GRM8: variants seen among roughly 807,000 people sequenced by gnomAD.
GRM8 encodes metabotropic glutamate receptor 8.
Under a neutral mutation model 87.2 loss-of-function variants are expected in GRM8, and 47 were observed. That is an observed-to-expected ratio of 0.54 (90% confidence interval 0.43 to 0.69). The LOEUF (loss-of-function observed/expected upper bound fraction) is 0.69, where lower values mean the gene tolerates loss of function less well. GRM8 is among the 30% of genes least tolerant of loss of function. The pLI is 0.00. For missense variants in GRM8, 1,019 were observed against 1,139.2 expected (o/e 0.89, Z 1.52); for synonymous variants, 396 against 404.5 (o/e 0.98, Z 0.25).
chr7:126,846,207 C>T (rs926945307), intron 6 of GRM8, among the ~76,000 whole-genome samples: 13 of 152,014 alleles, frequency 8.6e-5, no homozygotes, highest in Admixed American at 5.9e-4. Flanking sequence ...AAGAGTTTGT[C>T]AAGGAAACTT....
At chr7:126,883,355 G>C (rs181303976) in intron 6 of GRM8, among the ~76,000 whole-genome samples, 1 of 152,006 alleles carries the variant, frequency 6.6e-6, no homozygotes, top group African/African-American at 2.4e-5. Context: ...CAAATAAAAC[G>C]ACATGCATAA....
intron 3 of GRM8, among the ~76,000 whole-genome samples, chr7:127,009,478 G>A (rs1200486537): frequency 6.6e-6 from 1 of 152,134 alleles, no homozygotes; most frequent in Non-Finnish European, 1.5e-5. Flanking sequence ...GATACAGAAA[G>A]TATAAACCTG....
chr7:127,133,251 C>G (rs1440638260), intron 2 of GRM8, among the ~76,000 whole-genome samples: 1 of 152,094 alleles, frequency 6.6e-6, no homozygotes, highest in African/African-American at 2.4e-5. Flanking sequence ...AACCCCATCT[C>G]TACTAAAAAT....
intron 8 of GRM8, among the ~76,000 whole-genome samples, chr7:126,558,944 G>A (rs1793418666): frequency 6.6e-6 from 1 of 152,122 alleles, no homozygotes; most frequent in African/African-American, 2.4e-5. Flanking sequence ...CAAGAATCAA[G>A]CTAGGTGGAG....
Position 126,951,988 on chromosome 7 carries a change from T to C in GRM8, c.728-47305A>G, listed in dbSNP as rs190844271. On this transcript the variant is annotated intron_variant, in intron 3 of 10. Transcript: ENST00000339582. The stretch of plus-strand genomic sequence containing the variant: ...GTAATAAGCACATCTAGCATGAAGA[T>C]CTCAGTTTCTAAACACCATTCTCTG... Among the ~76,000 whole-genome samples, 453 of 151,098 alleles carry C rather than the reference T, an allele frequency of 3.0e-3. 3 individuals are homozygous for C. Among genetic ancestry groups the C allele is most frequent in the African/African-American group, 0.01 (431 of 41,216 alleles).
intron 3 of GRM8, among the ~76,000 whole-genome samples, chr7:127,017,990 G>A (rs1401035152): frequency 1.3e-5 from 2 of 151,904 alleles, no homozygotes; most frequent in African/African-American, 4.8e-5. Context: ...CTTTATCCTA[G>A]GCACCGTGTT....
rs1562931043 is a variant in GRM8, at chr7:126,533,788, C to T, written c.1594G>A (p.Val532Ile). The change falls in exon 9 of 11, where the codon GTC becomes ATC. Residue 532 changes from valine (V) to isoleucine (I), a missense_variant. Val to Ile is a conservative substitution (Grantham distance 29). Coordinates refer to ENST00000339582, the MANE Select transcript of GRM8 (RefSeq NM_000845.3). ...CGTTCACAGTGCCAGCAGCAAGGGA[C>T]CCCTTTCACCGTTTTCTTCCTCTCC... ...PGERKKTVKG[V>I]PCCWHCERCE... The T allele has an allele frequency of 6.2e-7, 1 of 1,613,990 alleles. No homozygotes were observed.
intron 7 of GRM8, among the ~76,000 whole-genome samples, chr7:126,664,886 A>C (rs193166453): frequency 6.6e-6 from 1 of 152,356 alleles, no homozygotes; most frequent in African/African-American, 2.4e-5. Flanking sequence ...TCTAATATCC[A>C]GAATCTATAA....
intron 3 of GRM8, among the ~76,000 whole-genome samples, chr7:126,987,449 T>G (rs1812196614): frequency 6.6e-6 from 1 of 151,764 alleles, no homozygotes; most frequent in African/African-American, 2.4e-5. Flanking sequence ...TTCACAGTTT[T>G]TTTTTTTGTT....
chr7:126,776,429 G>C (rs1208199911), intron 6 of GRM8, among the ~76,000 whole-genome samples: 1 of 152,136 alleles, frequency 6.6e-6, no homozygotes, highest in Non-Finnish European at 1.5e-5. Flanking sequence ...ATCAGGTGAA[G>C]ATTTGGTTAA....
At chr7:126,450,342 C>T (rs1000204468) in intron 9 of GRM8, among the ~76,000 whole-genome samples, 14 of 151,826 alleles carry the variant, frequency 9.2e-5, no homozygotes, top group African/African-American at 2.7e-4. Flanking sequence ...CTTTATGCCA[C>T]GTGATAAGAA....
chr7:126,948,114 G>C (rs922512476), intron 3 of GRM8, among the ~76,000 whole-genome samples: 8 of 152,120 alleles, frequency 5.3e-5, no homozygotes, highest in African/African-American at 1.9e-4. Context: ...AGACAAACCT[G>C]TTGCCCTCAT....
chr7:126,442,503 C>G (rs1020947606), intron 10 of GRM8, among the ~76,000 whole-genome samples: 1 of 151,896 alleles, frequency 6.6e-6, no homozygotes, highest in Non-Finnish European at 1.5e-5. Flanking sequence ...TTAAAAGGGT[C>G]ATCCAACTTC....
At chr7:126,832,747 T>C (rs529264792) in intron 6 of GRM8, among the ~76,000 whole-genome samples, 1 of 152,362 alleles carries the variant, frequency 6.6e-6, no homozygotes, top group African/African-American at 2.4e-5. Flanking sequence ...ACTTTTATTT[T>C]ACATAAAACA....
At chr7:126,544,869 G>T (rs1040255055) in intron 8 of GRM8, among the ~76,000 whole-genome samples, 1 of 152,074 alleles carries the variant, frequency 6.6e-6, no homozygotes, top group Non-Finnish European at 1.5e-5. Context: ...CCTTTATTAG[G>T]ACTGAGAGGA....
intron 2 of GRM8, among the ~76,000 whole-genome samples, chr7:127,200,568 G>A (rs1050378727): frequency 1.3e-5 from 2 of 152,206 alleles, no homozygotes; most frequent in African/African-American, 4.8e-5. Context: ...GAGGCTGGAA[G>A]TCTGCCATCA....
chr7:126,757,014 C>T (rs970700723), intron 7 of GRM8, among the ~76,000 whole-genome samples: 2 of 151,712 alleles, frequency 1.3e-5, no homozygotes, highest in African/African-American at 2.4e-5. Context: ...AAATTTAAAC[C>T]TCATTAATAG....
At chr7:126,887,788 C>T (rs748898914) in intron 6 of GRM8, among the ~76,000 whole-genome samples, 3 of 152,144 alleles carry the variant, frequency 2.0e-5, no homozygotes, top group Non-Finnish European at 2.9e-5. Flanking sequence ...ATCCCACACA[C>T]TCAAGCGGGG....
rs1012646614 is a variant in GRM8, at chr7:126,438,739, T to C, written c.*380A>G. ...TACAAGAAACAGACTCATTGTCTTATACAAGTTAAACAATGTGGGACAGGA... is the reference window on the plus strand; with the variant it reads ...TACAAGAAACAGACTCATTGTCTTACACAAGTTAAACAATGTGGGACAGGA... On this transcript the variant is annotated 3_prime_UTR_variant, in exon 11 of 11. Coordinates refer to ENST00000339582, the MANE Select transcript of GRM8 (RefSeq NM_000845.3). The C allele has an allele frequency of 3.2e-5, 6 of 186,394 alleles. No individual in the cohort carries two copies. Among genetic ancestry groups the C allele is most frequent in the African/African-American group, 9.5e-5 (4 of 42,232 alleles). 11.5% of individuals were successfully genotyped at this position (186,394 alleles called of 1,614,324 possible).
Sources: gnomAD v4.1 joint callset for allele counts (sites outside exome capture counted in the v4.1 genomes callset) on GRCh38, gnomAD v4.1.1 for gene constraint, MANE v1.5 for transcripts, NCBI Gene and HGNC (gene_info 2026-07-23, HGNC 2026-07-21) for gene names.